The following BHMT2 variants were observed in gnomAD, a reference collection of about 807,000 sequenced individuals.
BHMT2 encodes betaine--homocysteine S-methyltransferase 2.
A neutral mutation model predicts 39.0 loss-of-function variants in BHMT2; 28 were observed. The ratio of observed to expected loss-of-function variants is 0.72; its 90% CI spans 0.53 to 0.98. The LOEUF is 0.98. Ranked by LOEUF, BHMT2 falls within the 50% of genes least tolerant of loss-of-function variation. The pLI is 0.00. For synonymous variants in BHMT2, 145 were observed against 160.6 expected (o/e 0.90, Z 0.74); for missense variants, 410 against 455.6 (o/e 0.90, Z 0.91).
In BHMT2 at chr5:79,088,661, C is replaced by T. The variant is rs762576972; in HGVS notation, c.*87C>T. The T allele has an allele frequency of 1.3e-4, 135 of 1,022,750 alleles. No individual in the cohort carries two copies. Among genetic ancestry groups the T allele is most frequent in the Non-Finnish European group, 1.9e-4 (128 of 671,064 alleles). The allele number at this position is 1,022,750 out of a possible 1,614,324, so 63.4% of individuals were successfully genotyped here. On this transcript the variant is annotated 3_prime_UTR_variant, in exon 8 of 8. Transcript: ENST00000255192. Reference sequence around the variant, plus strand: ...TGGAACCGTTCCTCACCTTCATCCTCACCATGCCCTGCTATCTCCAGCTGC... The same window carrying T: ...TGGAACCGTTCCTCACCTTCATCCTTACCATGCCCTGCTATCTCCAGCTGC...
At chr5:79,070,440 C>T (rs1046763398) in intron 1 of BHMT2, among the ~76,000 whole-genome samples, 1 of 152,176 alleles carries the variant, frequency 6.6e-6, no homozygotes, top group African/African-American at 2.4e-5. Context: ...CTTTCCTGGT[C>T]TGGTCACCAG....
At chr5:79,076,178 C>G (rs1228558447) in intron 1 of BHMT2, among the ~76,000 whole-genome samples, 1 of 152,110 alleles carries the variant, frequency 6.6e-6, no homozygotes, top group African/African-American at 2.4e-5. Flanking sequence ...AGGCGGTCTT[C>G]CCCTGGAGTC....
At chr5:79,084,954 T>G (rs184651022) in intron 7 of BHMT2, among the ~76,000 whole-genome samples, 19 of 152,328 alleles carry the variant, frequency 1.2e-4, no homozygotes, top group Non-Finnish European at 2.5e-4. Context: ...CAGGAATCTC[T>G]TGACTCCACT....
At chr5:79,077,419 T>TG (rs1382691450) in intron 1 of BHMT2, 61 bp from the exon 2 acceptor site, 1 of 1,550,896 alleles carries the variant, frequency 6.4e-7, no homozygotes, top group Non-Finnish European at 8.7e-7. Context: ...AATTAGAAAA[T>TG]GCTTTTAGGA....
At chr5:79,087,721 A>C (rs1026912329) in intron 7 of BHMT2, among the ~76,000 whole-genome samples, 22 of 152,338 alleles carry the variant, frequency 1.4e-4, no homozygotes, top group African/African-American at 4.6e-4. Flanking sequence ...AGAAACAAAT[A>C]TTGGTAAAGT....
At chr5:79,079,648 C>T (rs1755745633) in intron 3 of BHMT2, among the ~76,000 whole-genome samples, 188 bp downstream of exon 3, 1 of 152,206 alleles carries the variant, frequency 6.6e-6, no homozygotes, top group Non-Finnish European at 1.5e-5. Flanking sequence ...GTAATCCCAG[C>T]ACTCTGAGAG....
chr5:79,078,899 A>C (rs1755728842), intron 2 of BHMT2, among the ~76,000 whole-genome samples: 1 of 152,228 alleles, frequency 6.6e-6, no homozygotes, highest in Non-Finnish European at 1.5e-5. Context: ...GATAGCCAGG[A>C]AAAGCTTCCA....
Position 79,082,808 on chromosome 5 carries a change from G to A in BHMT2, c.451-1G>A, listed in dbSNP as rs1382790788. ...AGTAGAAAAAGTGACATTTCTCTTA[G>A]TATTTTGAGCACGTTGAAGAAGCTG... On this transcript the variant is annotated splice_acceptor_variant, in intron 4 of 7. Coordinates refer to ENST00000255192, the MANE Select transcript of BHMT2 (RefSeq NM_017614.5). LOFTEE classifies it high-confidence loss of function. The A allele has an allele frequency of 6.2e-7, 1 of 1,613,384 alleles. No homozygotes were observed. Among genetic ancestry groups the A allele is most frequent in the Admixed American group, 1.7e-5 (1 of 59,878 alleles).
chr5:79,079,778 C>T (rs754090637), intron 3 of BHMT2, among the ~76,000 whole-genome samples: 7 of 152,096 alleles, frequency 4.6e-5, no homozygotes, highest in Non-Finnish European at 7.4e-5. Flanking sequence ...CGCCAGTAAT[C>T]CCAGCTACGC....
intron 6 of BHMT2, 107 bp from the exon 7 acceptor site, chr5:79,083,521 A>G: frequency 6.8e-7 from 1 of 1,480,126 alleles, no homozygotes; most frequent in Non-Finnish European, 9.0e-7. Context: ...AGAAGAATGC[A>G]TCATCTAAAG....
chr5:79,083,934 A>C, intron 7 of BHMT2, 78 bp downstream of exon 7: 1 of 1,489,816 alleles, frequency 6.7e-7, no homozygotes, highest in Non-Finnish European at 9.0e-7. Flanking sequence ...TCATGCATGC[A>C]CATGACAAAA....
Position 79,083,394 on chromosome 5 carries a change from A to G in BHMT2, c.781+20A>G. 1 of 1,561,138 alleles carries G rather than the reference A, an allele frequency of 6.4e-7. No homozygotes were observed. The highest frequency in any genetic ancestry group is 1.4e-5 in the African/African-American group (1 of 72,370). On this transcript the variant is annotated intron_variant, in intron 6 of 7. Transcript: ENST00000255192. ...CCTTTGGTAAGCTCAGGTGCATAGT[A>G]GAGGTCCTTGTATTTCTCGTGACAA...
intron 3 of BHMT2, 133 bp downstream of exon 3, chr5:79,079,593 C>G: frequency 1.5e-6 from 1 of 677,370 alleles, no homozygotes; most frequent in Non-Finnish European, 2.5e-6. Flanking sequence ...TTAATTTTCA[C>G]GTGAAGATAT....
At chr5:79,085,224 C>A (rs1755869823) in intron 7 of BHMT2, among the ~76,000 whole-genome samples, 1 of 152,178 alleles carries the variant, frequency 6.6e-6, no homozygotes, top group African/African-American at 2.4e-5. Context: ...TTAGAATTCA[C>A]TTTTATTTTT....
intron 4 of BHMT2, 51 bp downstream of exon 4, chr5:79,080,929 T>G (rs769536906): frequency 6.8e-7 from 1 of 1,467,624 alleles, no homozygotes; most frequent in Non-Finnish European, 9.1e-7. Flanking sequence ...CAAGCATAAC[T>G]GCAGAGTCTT....
intron 2 of BHMT2, among the ~76,000 whole-genome samples, chr5:79,078,967 C>T (rs1036812676): frequency 2.6e-5 from 4 of 152,226 alleles, no homozygotes; most frequent in African/African-American, 9.6e-5. Flanking sequence ...GTGCCACCCA[C>T]ATGCATTCTG....
rs1456043303 is a variant in BHMT2 at position 79,083,438 on chromosome 5, A to G, written c.781+64A>G. The G allele has an allele frequency of 1.2e-5, 19 of 1,521,722 alleles. No homozygotes were observed. In the Admixed American group the frequency reaches 3.8e-4, roughly 31 times the overall value. The allele number at this position is 1,521,722 out of a possible 1,614,324, so 94.3% of individuals were successfully genotyped here. A position where few individuals can be genotyped will look rare whatever the true frequency, so the allele number is the denominator to read the frequency against. Reference sequence around the variant, plus strand: ...GTGACAAAATCCAAATGGCTATAATAAATTGTGGCCCAGTTTTACAATAAG... The same window carrying G: ...GTGACAAAATCCAAATGGCTATAATGAATTGTGGCCCAGTTTTACAATAAG... On this transcript the variant is annotated intron_variant, in intron 6 of 7. Coordinates refer to ENST00000255192, the MANE Select transcript of BHMT2 (RefSeq NM_017614.5).
chr5:79,083,325 G>A lies in BHMT2; in HGVS notation c.732G>A (p.Ala244=), dbSNP rs767577205. 19 of 1,610,784 alleles carry A rather than the reference G, an allele frequency of 1.2e-5. No homozygotes were observed. Among genetic ancestry groups the A allele is most frequent in the African/African-American group, 2.7e-5 (2 of 74,806 alleles). Residue 244 remains alanine (A), a synonymous_variant, in exon 6 of 8, where the codon GCG becomes GCA. Coordinates refer to ENST00000255192, the MANE Select transcript of BHMT2 (RefSeq NM_017614.5). ...HLMVQPLGFH[A]PDCGKEGFVD... is the part of the protein sequence containing the mutation. ...TGGTGCAGCCTCTGGGGTTCCACGC[G>A]CCTGACTGTGGCAAAGAGGGGTTTG...
chr5:79,083,083 A>G lies in BHMT2; in HGVS notation c.599-109A>G, dbSNP rs57832630. 6.9e-3 allele frequency: 10,925 copies of G among 1,572,786 alleles called. 53 individuals carry two copies. The highest frequency in any genetic ancestry group is 0.012 in the Admixed American group (677 of 58,224). On this transcript the variant is annotated intron_variant, in intron 5 of 7. Coordinates refer to ENST00000255192, the MANE Select transcript of BHMT2 (RefSeq NM_017614.5). Reference sequence around the variant, plus strand: ...ACTCCAATCAGTTTTCTTATCTGTAAATTGTGGGAGGTGGAGGGGAATGGC... The same window carrying G: ...ACTCCAATCAGTTTTCTTATCTGTAGATTGTGGGAGGTGGAGGGGAATGGC...
Sources: gnomAD v4.1 joint callset for allele counts (sites outside exome capture counted in the v4.1 genomes callset) on GRCh38, gnomAD v4.1.1 for gene constraint, MANE v1.5 for transcripts, NCBI Gene and HGNC (gene_info 2026-07-23, HGNC 2026-07-21) for gene names.